Variants in WNT2B observed in about 807,000 individuals in gnomAD.
WNT2B encodes protein Wnt-2b.
Under a neutral mutation model 40.5 loss-of-function variants are expected in WNT2B, and 19 were observed. The observed-to-expected ratio is 0.47, with a 90% CI of 0.33 to 0.69. WNT2B has a LOEUF of 0.69. Ranked by LOEUF, WNT2B falls within the 30% of genes least tolerant of loss-of-function variation. WNT2B has a pLI of 0.02. For missense variants in WNT2B, 467 were observed against 556.4 expected, an observed-to-expected ratio of 0.84 and a Z score of 1.62; for synonymous variants, 220 against 211.9, an observed-to-expected ratio of 1.04 and a Z score of -0.33.
At chr1:112,517,980 A>G (rs116405139) in intron 4 of WNT2B, 3,061 of 152,770 alleles carry the variant, frequency 0.02, 106 homozygotes, top group African/African-American at 0.069. Flanking sequence ...GAACAGACCA[A>G]TCTGCTGGGT....
chr1:112,514,859 A>G lies in WNT2B; in HGVS notation c.183-15A>G, dbSNP rs1282747931. On this transcript the variant is annotated splice_polypyrimidine_tract_variant and intron_variant, in intron 1 of 4. Transcript: ENST00000369684. Reference sequence around the variant, plus strand: ...AGGTCTGGGATGTTCTGACAGGGCCATCTCTGCCTTGCAGGTACATTGGGG... The same window carrying G: ...AGGTCTGGGATGTTCTGACAGGGCCGTCTCTGCCTTGCAGGTACATTGGGG... The G allele has an allele frequency of 2.5e-6, 4 of 1,613,758 alleles. No individual in the cohort carries two copies. Among genetic ancestry groups the G allele is most frequent in the African/African-American group, 2.7e-5 (2 of 74,918 alleles).
chr1:112,518,826 C>T (rs963179006), intron 4 of WNT2B, among the ~76,000 whole-genome samples: 4 of 152,158 alleles, frequency 2.6e-5, no homozygotes, highest in African/African-American at 9.7e-5. Flanking sequence ...AATATGGAGC[C>T]AGGAATTCCC....
intron 1 of WNT2B, among the ~76,000 whole-genome samples, chr1:112,499,596 C>T (rs1651885209): frequency 6.6e-6 from 1 of 152,066 alleles, no homozygotes; most frequent in Non-Finnish European, 1.5e-5. Flanking sequence ...AACCCCACAC[C>T]CATTCATTAA....
chr1:112,466,543 C>CA (rs1491131119), exon 1 of WNT2B: 6 of 140,354 alleles, frequency 4.3e-5, no homozygotes, highest in African/African-American at 2.0e-4. Flanking sequence ...TAAAAAAAAA[C>CA]AGAGAACAGA....
At chr1:112,514,627 T>G in intron 1 of WNT2B, 2 of 560,104 alleles carry the variant, frequency 3.6e-6, no homozygotes, top group South Asian at 2.0e-5. Flanking sequence ...GTATGTCACT[T>G]TGGCCTTTGG....
In WNT2B at chr1:112,520,335, T is replaced by C; in HGVS notation, c.1002T>C (p.Gly334=). 3.1e-6 allele frequency: 5 copies of C among 1,614,142 alleles called. No individual in the cohort carries two copies. The highest frequency in any genetic ancestry group is 4.2e-6 in the Non-Finnish European group (5 of 1,180,026). Residue 334 remains glycine (G), a synonymous_variant, in exon 5 of 5, where the codon GGT becomes GGC. Coordinates refer to ENST00000369684, the MANE Select transcript of WNT2B (RefSeq NM_024494.3). ...GCAAGACATCAAAAGGAACAGACGG[T>C]TGTGAAATCATGTGCTGTGGCCGAG... ...VCSKTSKGTD[G]CEIMCCGRGY...
chr1:112,476,416 C>T (rs1651055484), intron 1 of WNT2B, among the ~76,000 whole-genome samples: 1 of 152,064 alleles, frequency 6.6e-6, no homozygotes, highest in Non-Finnish European at 1.5e-5. Flanking sequence ...TAATGCCCAT[C>T]CCCCACTGAG....
At chr1:112,472,000 T>C (rs1650895376) in intron 1 of WNT2B, among the ~76,000 whole-genome samples, 1 of 152,204 alleles carries the variant, frequency 6.6e-6, no homozygotes, top group Admixed American at 6.5e-5. Flanking sequence ...TTTTTTATTT[T>C]CAAGAATTCT....
chr1:112,509,323 C>G lies in WNT2B; in HGVS notation c.61C>G (p.Pro21Ala), dbSNP rs1384465767. ...AQLPLRRASA[P>A]VPVPSPAAPD... ...GCTCCCGCTTCGGCGCGCCAGCGCCCCGGTCCCTGTGCCGTCGCCCGCGGC... is the reference window on the plus strand; with the variant it reads ...GCTCCCGCTTCGGCGCGCCAGCGCCGCGGTCCCTGTGCCGTCGCCCGCGGC... Residue 21 changes from proline (P) to alanine (A), a missense_variant, in exon 1 of 5, where the codon CCG becomes GCG. By Grantham distance (27) the Pro-to-Ala change is conservative (BLOSUM62 -1). Around this residue, in one of 2 missense-constraint regions of WNT2B, gnomAD observed 137 missense variants for 117.7 expected, o/e 1.16. Coordinates refer to ENST00000369684, the MANE Select transcript of WNT2B (RefSeq NM_024494.3). The surrounding 1 kb of genome is among the most constrained non-coding windows in gnomAD (Gnocchi z 4.2). 9 of 1,581,416 alleles carry G rather than the reference C, an allele frequency of 5.7e-6. No individual in the cohort carries two copies. The highest frequency in any genetic ancestry group is 1.4e-5 in the African/African-American group (1 of 73,120).
intron 1 of WNT2B, among the ~76,000 whole-genome samples, chr1:112,476,059 G>T (rs1651045798): frequency 6.6e-6 from 1 of 152,116 alleles, no homozygotes; most frequent in African/African-American, 2.4e-5. Flanking sequence ...CTACTGAAAA[G>T]TCTCAATACA....
upstream of WNT2B, among the ~76,000 whole-genome samples, chr1:112,505,351 C>T (rs750794509): frequency 1.3e-5 from 2 of 152,224 alleles, no homozygotes; most frequent in Non-Finnish European, 2.9e-5. Flanking sequence ...ATGAAAATGC[C>T]TTGGGAGTAA....
chr1:112,484,278 T>TATATACAC (rs1553230292), intron 1 of WNT2B, among the ~76,000 whole-genome samples: 171 of 139,262 alleles, frequency 1.2e-3, no homozygotes, highest in African/African-American at 4.3e-3. Flanking sequence ...TACACATATA[T>TATATACAC]ATATATATAT....
chr1:112,494,987 A>C (rs1382553244), intron 1 of WNT2B, among the ~76,000 whole-genome samples: 1 of 151,628 alleles, frequency 6.6e-6, no homozygotes, highest in Admixed American at 6.6e-5. Flanking sequence ...GACAGAAATA[A>C]TACAAGGGAT....
chr1:112,513,554 T>TGG (rs200047390), intron 1 of WNT2B, among the ~76,000 whole-genome samples: 2 of 24,410 alleles, frequency 8.2e-5, no homozygotes, highest in Admixed American at 5.3e-4. Context: ...AGGGGGGTGG[T>TGG]GGGGGGGGAC....
chr1:112,508,788 G>A, upstream of WNT2B: 2 of 987,960 alleles, frequency 2.0e-6, no homozygotes, highest in Non-Finnish European at 2.4e-6. This position sits in a 1 kb window ranked among gnomAD's most constrained non-coding sequence, Gnocchi z 4.2. Flanking sequence ...GAGCAGGTGG[G>A]GGTGCAGCGC....
At chr1:112,498,276 C>T (rs1651842750) in intron 1 of WNT2B, among the ~76,000 whole-genome samples, 2 of 151,608 alleles carry the variant, frequency 1.3e-5, no homozygotes, top group Admixed American at 6.6e-5. Flanking sequence ...TGTTTTGAGG[C>T]GGAGTCTCAC....
At chr1:112,512,005 ATC>A (rs1359522146) in intron 1 of WNT2B, among the ~76,000 whole-genome samples, 1 of 152,068 alleles carries the variant, frequency 6.6e-6, no homozygotes, top group African/African-American at 2.4e-5. Context: ...TAATAGTGTT[ATC>A]TCTGTGTTCA....
At chr1:112,499,093 T>A (rs1156675998) in intron 1 of WNT2B, among the ~76,000 whole-genome samples, 13 of 151,382 alleles carry the variant, frequency 8.6e-5, no homozygotes, top group Middle Eastern at 6.8e-3. Context: ...GTAATCCCAG[T>A]TACTAAGGAG....
In WNT2B at chr1:112,516,281, A is replaced by G. The variant is rs527708293; in HGVS notation, c.545A>G (p.Asp182Gly). ...TRGRHHDQRGDFDWGGCSDNI... is the reference protein window; with the variant it reads ...TRGRHHDQRGGFDWGGCSDNI... Reference sequence around the variant, plus strand: ...GGCCGACACCATGACCAGCGTGGGGACTTTGACTGGGGTGGCTGCAGTGAC... The same window carrying G: ...GGCCGACACCATGACCAGCGTGGGGGCTTTGACTGGGGTGGCTGCAGTGAC... The change falls in exon 3 of 5, where the codon GAC (aspartate) becomes GGC (glycine). Residue 182 changes from aspartate (D) to glycine (G), a missense_variant. Transcript: ENST00000369684. The G allele has an allele frequency of 1.2e-6, 2 of 1,613,820 alleles. No homozygotes were observed. Among genetic ancestry groups the G allele is most frequent in the South Asian group, 2.2e-5 (2 of 91,056 alleles).
Sources: allele counts gnomAD v4.1 joint callset (sites outside exome capture counted in the v4.1 genomes callset), GRCh38; gene constraint gnomAD v4.1.1; regional missense constraint gnomAD v4.1.1; non-coding constraint Gnocchi (gnomAD v3.1); transcripts MANE v1.5; gene names NCBI Gene and HGNC (gene_info 2026-07-23, HGNC 2026-07-21).